Variants in NDST3 observed in about 807,000 individuals in gnomAD.
The protein encoded by NDST3 is N-deacetylase and N-sulfotransferase 3, also known as bifunctional heparan sulfate N-deacetylase/N-sulfotransferase 3.
NDST3 carries 58 observed loss-of-function variants against 96.1 expected under a neutral mutation model. That is an observed-to-expected ratio of 0.60 (90% CI 0.49 to 0.75). The LOEUF (loss-of-function observed/expected upper bound fraction) is 0.75. Among genes scored for constraint, NDST3 ranks in the 30% least tolerant of loss-of-function variants. NDST3 has a pLI of 0.00. For synonymous variants in NDST3, 333 were observed against 359.7 expected (o/e 0.93, Z 0.84); for missense variants, 788 against 1,034.2 (o/e 0.76, Z 3.27).
intron 6 of NDST3, among the ~76,000 whole-genome samples, chr4:118,192,135 A>G (rs879779467): frequency 1.3e-5 from 2 of 152,220 alleles, no homozygotes; most frequent in East Asian, 1.9e-4. Flanking sequence ...TCAAATTATT[A>G]TATTTTTTCC....
chr4:118,158,862 TAG>T (rs1560686380), intron 6 of NDST3, among the ~76,000 whole-genome samples: 1 of 152,196 alleles, frequency 6.6e-6, no homozygotes, highest in Non-Finnish European at 1.5e-5. Flanking sequence ...CTTCCTTCCA[TAG>T]AGTCATCAAC....
chr4:118,083,123 C>T (rs1244098643), intron 2 of NDST3, among the ~76,000 whole-genome samples: 1 of 152,072 alleles, frequency 6.6e-6, no homozygotes, highest in East Asian at 1.9e-4. Context: ...TATCAAGTAC[C>T]ATGAATTATT....
At chr4:118,039,903 T>G (rs936692397) in intron 1 of NDST3, among the ~76,000 whole-genome samples, 1 of 152,172 alleles carries the variant, frequency 6.6e-6, no homozygotes, top group East Asian at 1.9e-4. Context: ...CAGGGTCTTG[T>G]GGGACATGTA....
intron 2 of NDST3, among the ~76,000 whole-genome samples, chr4:118,063,483 T>G (rs1184876466): frequency 6.6e-6 from 1 of 152,154 alleles, no homozygotes; most frequent in Non-Finnish European, 1.5e-5. Flanking sequence ...ATTGTACGAT[T>G]TGCCAGTTAC....
intron 9 of NDST3, among the ~76,000 whole-genome samples, chr4:118,236,841 A>G (rs931747542): frequency 1.3e-5 from 2 of 152,206 alleles, no homozygotes; most frequent in Non-Finnish European, 2.9e-5. Context: ...CAAAACATAA[A>G]GAAAATGTAC....
chr4:118,118,361 T>C (rs916718346), intron 4 of NDST3, among the ~76,000 whole-genome samples: 1 of 152,154 alleles, frequency 6.6e-6, no homozygotes, highest in East Asian at 1.9e-4. Context: ...AAATGGGTAA[T>C]TGTGTTAGAG....
chr4:118,203,034 T>G (rs1394978916), intron 6 of NDST3, among the ~76,000 whole-genome samples: 4 of 152,328 alleles, frequency 2.6e-5, no homozygotes, highest in East Asian at 3.9e-4. Flanking sequence ...GGATGTTGGA[T>G]TTCATCAAAA....
intron 5 of NDST3, among the ~76,000 whole-genome samples, chr4:118,139,440 G>T (rs748944803): frequency 6.6e-6 from 1 of 152,218 alleles, no homozygotes; most frequent in Non-Finnish European, 1.5e-5. Context: ...TATTTGGCTT[G>T]TGGGCTCTTG....
chr4:118,038,430 C>T (rs1724266646), intron 1 of NDST3, among the ~76,000 whole-genome samples: 1 of 152,122 alleles, frequency 6.6e-6, no homozygotes, highest in African/African-American at 2.4e-5. Flanking sequence ...ATTTAATGTA[C>T]CAAACAAAGC....
Position 118,249,731 on chromosome 4 carries a change from TACACACACACAC to T in NDST3, c.2400-3748_2400-3737del, listed in dbSNP as rs60479821. ...ACTACATATAGACTACAGCCCCACA[TACACACACACAC>T]ACACACACACACACACACATTAGAT... On this transcript the variant is annotated intron_variant, in intron 12 of 13. Transcript: ENST00000296499. 2.1e-5 allele frequency among the ~76,000 whole-genome samples: 3 copies of T among 145,602 alleles called. No individual in the cohort carries two copies. The East Asian group carries it at 6.0e-4, about 29-fold the overall frequency.
chr4:118,074,755 A>G (rs1372321478), intron 2 of NDST3, among the ~76,000 whole-genome samples: 1 of 152,030 alleles, frequency 6.6e-6, no homozygotes, highest in Non-Finnish European at 1.5e-5. Flanking sequence ...GTTAATACTG[A>G]TATGTACAAA....
chr4:118,120,391 C>T (rs1215211207), intron 4 of NDST3, among the ~76,000 whole-genome samples: 1 of 151,998 alleles, frequency 6.6e-6, no homozygotes, highest in Non-Finnish European at 1.5e-5. Context: ...AAAGGTAAGG[C>T]AAGACAGGGT....
At chr4:118,136,119 G>C in intron 4 of NDST3, among the ~76,000 whole-genome samples, 2 of 152,238 alleles carry the variant, frequency 1.3e-5, no homozygotes, top group Middle Eastern at 3.4e-3. Flanking sequence ...ATTTGCAGAT[G>C]CTTGAATTTT....
intron 3 of NDST3, among the ~76,000 whole-genome samples, chr4:118,113,789 C>CA (rs2125863574): frequency 6.6e-6 from 1 of 152,224 alleles, no homozygotes; most frequent in African/African-American, 2.4e-5. Context: ...ACCCACTACT[C>CA]AGGGAGCTTA....
intron 4 of NDST3, among the ~76,000 whole-genome samples, chr4:118,134,506 G>C (rs1272237981): frequency 6.6e-6 from 1 of 152,180 alleles, no homozygotes; most frequent in Non-Finnish European, 1.5e-5. Flanking sequence ...GATAATGATA[G>C]AATTGAAGAA....
chr4:118,156,288 T>A (rs1197680722), intron 6 of NDST3, among the ~76,000 whole-genome samples: 1 of 152,200 alleles, frequency 6.6e-6, no homozygotes, highest in Non-Finnish European at 1.5e-5. Flanking sequence ...ATCATTTTTT[T>A]AAAGAAGACA....
rs554178176 is a variant in NDST3 at position 118,065,939 on chromosome 4, T to A, written c.981+11048T>A. 1.6e-4 allele frequency among the ~76,000 whole-genome samples: 24 copies of A among 148,948 alleles called. No individual in the cohort carries two copies. In the South Asian group the frequency reaches 4.8e-3, roughly 30 times the overall value. ...CTCTGACTATATAAACTGAGTAGAA[T>A]CAGATTTCTGGGAAAGAAAAATATT... is the stretch of plus-strand genomic sequence containing the variant. On this transcript the variant is annotated intron_variant, in intron 2 of 13. Transcript: ENST00000296499.
At chr4:118,143,895 C>T (rs1473860239) in intron 6 of NDST3, among the ~76,000 whole-genome samples, 2 of 152,140 alleles carry the variant, frequency 1.3e-5, no homozygotes, top group African/African-American at 4.8e-5. Context: ...CATGGCAGAA[C>T]CAGGGAAGTG....
chr4:118,117,284 G>A (rs1026494772), intron 4 of NDST3, among the ~76,000 whole-genome samples: 7 of 151,918 alleles, frequency 4.6e-5, no homozygotes, highest in Non-Finnish European at 7.4e-5. Flanking sequence ...ACAGCAATTA[G>A]CATATAACAC....
Sources: gnomAD v4.1 joint callset for allele counts (sites outside exome capture counted in the v4.1 genomes callset) on GRCh38, gnomAD v4.1.1 for gene constraint, MANE v1.5 for transcripts, NCBI Gene and HGNC (gene_info 2026-07-23, HGNC 2026-07-21) for gene names.